Variants in OPCML observed in about 807,000 individuals in gnomAD.
The protein encoded by OPCML is opioid binding protein/cell adhesion molecule like.
OPCML carries 13 observed loss-of-function variants against 37.8 expected under a neutral mutation model. That is an observed-to-expected ratio of 0.34 (90% CI 0.22 to 0.55). OPCML has a LOEUF of 0.55. Among genes scored for constraint, OPCML ranks in the 20% least tolerant of loss-of-function variants. OPCML has a pLI of 0.91. For missense variants in OPCML, 341 were observed against 435.6 expected, an observed-to-expected ratio of 0.78 and a Z score of 1.93; for synonymous variants, 176 against 168.8, an observed-to-expected ratio of 1.04 and a Z score of -0.33.
At chr11:133,213,012 G>C (rs1939428850) in intron 1 of OPCML, among the ~76,000 whole-genome samples, 1 of 152,114 alleles carries the variant, frequency 6.6e-6, no homozygotes, top group Non-Finnish European at 1.5e-5. Context: ...ATGAAACATG[G>C]GAAATTGAAA....
intron 1 of OPCML, among the ~76,000 whole-genome samples, chr11:133,099,703 G>A (rs1013558585): frequency 2.0e-5 from 3 of 152,092 alleles, no homozygotes; most frequent in East Asian, 1.9e-4. Context: ...CCTGTTGGAT[G>A]CATGTCTGTC....
intron 7 of OPCML, among the ~76,000 whole-genome samples, chr11:132,424,477 G>C (rs904231640): frequency 6.6e-6 from 1 of 152,050 alleles, no homozygotes; most frequent in Non-Finnish European, 1.5e-5. Context: ...AAATGCACCC[G>C]GATAAAAGCC....
chr11:133,353,738 TC>T (rs1944196957), intron 1 of OPCML, among the ~76,000 whole-genome samples: 1 of 152,172 alleles, frequency 6.6e-6, no homozygotes, highest in Non-Finnish European at 1.5e-5. Flanking sequence ...GCCAGATTCT[TC>T]CTAGATTGAC....
At position 132,661,174 on chromosome 11, in the gene OPCML, G is replaced by C. The variant is rs141942476; in HGVS notation, c.147-3855C>G. On this transcript the variant is annotated intron_variant, in intron 2 of 7. Coordinates refer to ENST00000524381, the MANE Select transcript of OPCML (RefSeq NM_001012393.5). ...TGGGTAATCCTCTCCCTGGTGAGTAGCCATGATCCGGTGTACTTGCTCTTG... is the reference window on the plus strand; with the variant it reads ...TGGGTAATCCTCTCCCTGGTGAGTACCCATGATCCGGTGTACTTGCTCTTG... 5.4e-3 allele frequency among the ~76,000 whole-genome samples: 822 copies of C among 152,198 alleles called. 10 individuals carry two copies. Among genetic ancestry groups the C allele is most frequent in the African/African-American group, 0.017 (715 of 41,540 alleles).
At chr11:132,664,519 CCTGA>C (rs896940467) in intron 2 of OPCML, among the ~76,000 whole-genome samples, 24 of 152,202 alleles carry the variant, frequency 1.6e-4, no homozygotes, top group African/African-American at 5.1e-4. Context: ...CTAAGAAAAA[CCTGA>C]CTATGTATCC....
intron 1 of OPCML, among the ~76,000 whole-genome samples, chr11:133,156,977 C>T (rs1950070999): frequency 6.6e-6 from 1 of 152,072 alleles, no homozygotes; most frequent in East Asian, 1.9e-4. Flanking sequence ...TCCCTGCTCA[C>T]CCCACACGTT....
chr11:133,243,676 C>G (rs1592136427), intron 1 of OPCML, among the ~76,000 whole-genome samples: 1 of 152,180 alleles, frequency 6.6e-6, no homozygotes, highest in East Asian at 1.9e-4. Context: ...CTTTAGGGCA[C>G]TGGAATTTTT....
chr11:132,662,415 A>C (rs1437868608), intron 2 of OPCML, among the ~76,000 whole-genome samples: 1 of 150,702 alleles, frequency 6.6e-6, no homozygotes, highest in Admixed American at 6.6e-5. Context: ...GAAAATGCAA[A>C]AAAAAAAAAA....
At chr11:132,900,228 T>C (rs1453380309) in intron 2 of OPCML, among the ~76,000 whole-genome samples, 1 of 152,202 alleles carries the variant, frequency 6.6e-6, no homozygotes, top group Non-Finnish European at 1.5e-5. Context: ...ATTTCTGTAC[T>C]TTCTATTTCG....
At chr11:133,381,979 TGGGAGG>T (rs1274389010) in intron 1 of OPCML, among the ~76,000 whole-genome samples, 2 of 152,202 alleles carry the variant, frequency 1.3e-5, no homozygotes, top group Non-Finnish European at 2.9e-5. Flanking sequence ...CAGCTCCTCC[TGGGAGG>T]GAGGCCGGAG....
intron 1 of OPCML, among the ~76,000 whole-genome samples, chr11:132,951,273 C>A (rs957166193): frequency 1.3e-5 from 2 of 152,190 alleles, no homozygotes; most frequent in African/African-American, 2.4e-5. Context: ...TCACAGGAAT[C>A]GGTTTTCTCA....
intron 1 of OPCML, among the ~76,000 whole-genome samples, chr11:133,083,115 C>CTCACA (rs1948762882): frequency 6.6e-6 from 1 of 152,054 alleles, no homozygotes; most frequent in Non-Finnish European, 1.5e-5. Flanking sequence ...GCGCACCACA[C>CTCACA]TCACATCACA....
intron 2 of OPCML, chr11:132,860,059 A>G (rs937618443): frequency 6.6e-6 from 1 of 152,242 alleles, no homozygotes; most frequent in Non-Finnish European, 1.5e-5. Context: ...GCAGCACTTC[A>G]TAAGATCTCT....
intron 3 of OPCML, among the ~76,000 whole-genome samples, chr11:132,574,075 CTT>C (rs2096444338): frequency 6.6e-6 from 1 of 151,768 alleles, no homozygotes; most frequent in Non-Finnish European, 1.5e-5. Flanking sequence ...TGTAAACTCT[CTT>C]CTTTCAATTA....
chr11:132,719,463 C>G (rs755497221), intron 2 of OPCML, among the ~76,000 whole-genome samples: 1 of 152,124 alleles, frequency 6.6e-6, no homozygotes, highest in Non-Finnish European at 1.5e-5. Flanking sequence ...AAAGGGCTTT[C>G]CCTTACTTCT....
intron 7 of OPCML, among the ~76,000 whole-genome samples, chr11:132,425,621 A>AATCC (rs1402863874): frequency 2.0e-5 from 3 of 152,236 alleles, no homozygotes; most frequent in African/African-American, 7.2e-5. Context: ...AAGAATTGCT[A>AATCC]ATCCATAAAA....
intron 3 of OPCML, among the ~76,000 whole-genome samples, chr11:132,598,380 A>T (rs1214943897): frequency 6.6e-6 from 1 of 152,200 alleles, no homozygotes; most frequent in Non-Finnish European, 1.5e-5. Flanking sequence ...ACACTCAATG[A>T]ATTTTTTTAA....
chr11:132,621,486 A>G (rs1565718849), intron 3 of OPCML, among the ~76,000 whole-genome samples: 1 of 152,192 alleles, frequency 6.6e-6, no homozygotes, highest in African/African-American at 2.4e-5. Flanking sequence ...AACTATTAAA[A>G]CACACACAGC....
chr11:132,950,938 G>A (rs1414199674), intron 1 of OPCML, among the ~76,000 whole-genome samples: 4 of 152,200 alleles, frequency 2.6e-5, no homozygotes, highest in African/African-American at 9.6e-5. Flanking sequence ...CCCTCAATGT[G>A]AGTCGAAGGA....
Sources: allele counts gnomAD v4.1 joint callset (sites outside exome capture counted in the v4.1 genomes callset), GRCh38; gene constraint gnomAD v4.1.1; transcripts MANE v1.5; gene names NCBI Gene and HGNC (gene_info 2026-07-23, HGNC 2026-07-21).